SIGLEC9: variants seen among roughly 807,000 people sequenced by gnomAD.
SIGLEC9 encodes the protein sialic acid-binding Ig-like lectin 9.
In SIGLEC9, 26 loss-of-function variants were observed where a neutral mutation model predicts 38.3. The observed-to-expected ratio is 0.68, with a 90% CI of 0.50 to 0.94. The LOEUF (loss-of-function observed/expected upper bound fraction) is 0.94, where lower values mean the gene tolerates loss of function less well. SIGLEC9 is among the 40% of genes least tolerant of loss of function. The probability of loss-of-function intolerance (pLI) is 0.00; values close to 1 mark genes in which losing one functional copy is unlikely to be tolerated. For missense variants in SIGLEC9, 556 were observed against 585.7 expected (o/e 0.95, Z 0.52); for synonymous variants, 236 against 248.0 (o/e 0.95, Z 0.45).
downstream of SIGLEC9, among the ~76,000 whole-genome samples, chr19:51,131,915 CAAA>C (rs534454904): frequency 9.4e-5 from 11 of 117,396 alleles, no homozygotes; most frequent in Non-Finnish European, 1.3e-4. Context: ...GAGTCTGTGT[CAAA>C]AAAAAAAAAA....
In SIGLEC9 at chr19:51,127,162, T is replaced by C; in HGVS notation, c.881T>C (p.Leu294Pro). Residue 294 changes from leucine (L) to proline (P), a missense_variant, in exon 4 of 7, where the codon CTG (leucine) becomes CCG (proline). Transcript: ENST00000250360. ...AGCCTGAGCTGGAGAGGCCTGACCC[T>C]GTGCCCCTCACAGCCCTCAAACCCG... is the stretch of plus-strand genomic sequence containing the variant. Reference protein sequence around the residue: ...RLSLSWRGLTLCPSQPSNPGV... With the variant: ...RLSLSWRGLTPCPSQPSNPGV... 6.2e-7 allele frequency: 1 copy of C among 1,614,238 alleles called. No homozygotes were observed. Among genetic ancestry groups the C allele is most frequent in the Non-Finnish European group, 8.5e-7 (1 of 1,180,036 alleles).
At chr19:51,124,621 C>A (rs897897462), upstream of SIGLEC9, among the ~76,000 whole-genome samples, 2 of 152,130 alleles carry the variant, frequency 1.3e-5, no homozygotes, top group Non-Finnish European at 2.9e-5. Flanking sequence ...AGGGGTCTGG[C>A]CAGATGGGAC....
At position 51,125,119 on chromosome 19, in the gene SIGLEC9, G is replaced by C; in HGVS notation, c.145G>C (p.Gly49Arg). The C allele has an allele frequency of 6.2e-7, 1 of 1,614,048 alleles. No individual in the cohort carries two copies. Among genetic ancestry groups the C allele is most frequent in the Non-Finnish European group, 8.5e-7 (1 of 1,180,004 alleles). Residue 49 changes from glycine to arginine, a missense_variant, in exon 1 of 7, where the codon GGC becomes CGC. Gly to Arg is a moderately radical substitution (Grantham distance 125). Transcript: ENST00000250360. ...CTGCTCCTTCTCCTACCCCTCGCAT[G>C]GCTGGATTTACCCTGGCCCAGTAGT... ...VPCSFSYPSHGWIYPGPVVHG... is the reference protein window; with the variant it reads ...VPCSFSYPSHRWIYPGPVVHG...
chr19:51,120,845 CTTTTT>C, upstream of SIGLEC9: 1 of 135,126 alleles, frequency 7.4e-6, no homozygotes, highest in Non-Finnish European at 1.6e-5. This position sits in a 1 kb window ranked among gnomAD's most constrained non-coding sequence, Gnocchi z 4.1. Context: ...ATCAGGAATT[CTTTTT>C]TTTTTTTTTT....
rs760485175 is a variant in SIGLEC9 at position 51,125,088 on chromosome 19, T to C, written c.114T>C (p.His38=). 1.9e-6 allele frequency: 3 copies of C among 1,614,084 alleles called. No individual in the cohort carries two copies. Among genetic ancestry groups the C allele is most frequent in the Admixed American group, 1.7e-5 (1 of 60,026 alleles). The change falls in exon 1 of 7, where the codon CAT becomes CAC. Residue 38 remains histidine (H), a synonymous_variant. Transcript: ENST00000250360. ...SVTVQEGLCV[H]VPCSFSYPSH... is the part of the protein sequence containing the mutation. ...CGGTGCAGGAAGGCCTGTGTGTCCA[T>C]GTGCCCTGCTCCTTCTCCTACCCCT...
chr19:51,133,659 G>A (rs1677000618), downstream of SIGLEC9, among the ~76,000 whole-genome samples: 1 of 152,072 alleles, frequency 6.6e-6, no homozygotes, highest in Non-Finnish European at 1.5e-5. Context: ...GTGTTGAGCT[G>A]TTTCTCACAT....
downstream of SIGLEC9, among the ~76,000 whole-genome samples, chr19:51,134,546 A>G (rs935688554): frequency 2.0e-5 from 3 of 152,130 alleles, no homozygotes; most frequent in African/African-American, 7.2e-5. Flanking sequence ...AAATCTATGT[A>G]TTTTACTGTA....
chr19:51,121,546 C>T (rs2091950161), upstream of SIGLEC9, among the ~76,000 whole-genome samples: 1 of 151,884 alleles, frequency 6.6e-6, no homozygotes, highest in South Asian at 2.1e-4. Flanking sequence ...TGCTTAGTCC[C>T]CTGTCCTCCA....
At chr19:51,121,073 A>G (rs2091949256), upstream of SIGLEC9, among the ~76,000 whole-genome samples, 1 of 152,122 alleles carries the variant, frequency 6.6e-6, no homozygotes, top group African/African-American at 2.4e-5. Context: ...TTGAACTCTT[A>G]GGCTCAAGTG....
At chr19:51,134,441 G>A (rs2092032905), downstream of SIGLEC9, among the ~76,000 whole-genome samples, 1 of 152,196 alleles carries the variant, frequency 6.6e-6, no homozygotes, top group Non-Finnish European at 1.5e-5. Context: ...ACAGGCGTGA[G>A]CCACTGCGCC....
chr19:51,129,259 A>C (rs955377075), intron 6 of SIGLEC9, among the ~76,000 whole-genome samples: 17 of 151,410 alleles, frequency 1.1e-4, no homozygotes, highest in South Asian at 2.1e-4. Flanking sequence ...TCCGGGTTCA[A>C]GCCATTCTCC....
chr19:51,126,098 A>G lies in SIGLEC9; in HGVS notation c.718A>G (p.Thr240Ala). ...LNVSYPPQNL[T>A]MTVFQGDGTV... is the part of the protein sequence containing the mutation. ...TGTCCCAGACCCGCCTCAGAACTTG[A>G]CCATGACTGTCTTCCAAGGAGACGG... The change falls in exon 3 of 7, where the codon ACC (threonine) becomes GCC (alanine). Residue 240 changes from threonine to alanine, a missense_variant. Physicochemically the swap from Thr to Ala is moderately conservative, Grantham distance 58 (BLOSUM62 0). Transcript: ENST00000250360. 1.9e-6 allele frequency: 3 copies of G among 1,614,030 alleles called. No homozygotes were observed. The highest frequency in any genetic ancestry group is 2.5e-6 in the Non-Finnish European group (3 of 1,179,956).
chr19:51,136,017 T>C, exon 7 of SIGLEC9: 1 of 703,592 alleles, frequency 1.4e-6, no homozygotes, highest in Non-Finnish European at 2.6e-6. Context: ...TTCGAGTTTC[T>C]CCTGAATCTC....
At chr19:51,123,809 C>T (rs1372962058), upstream of SIGLEC9, among the ~76,000 whole-genome samples, 1 of 152,192 alleles carries the variant, frequency 6.6e-6, no homozygotes, top group Non-Finnish European at 1.5e-5. Context: ...AGAAAACTGA[C>T]ATCGGTCTAA....
chr19:51,125,670 T>C lies in SIGLEC9; in HGVS notation c.495T>C (p.Ser165=). The part of the protein sequence containing the change: ...ESGCPQNLTC[S]VPWACEQGTP... ...GCTGCCCCCAGAATCTGACCTGCTC[T>C]GTGCCCTGGGCCTGTGAGCAGGGGA... The change falls in exon 2 of 7, where the codon TCT becomes TCC. Residue 165 remains serine (S), a synonymous_variant. Coordinates refer to ENST00000250360, the MANE Select transcript of SIGLEC9 (RefSeq NM_014441.3). The C allele has an allele frequency of 6.2e-7, 1 of 1,613,930 alleles. No homozygotes were observed. The highest frequency in any genetic ancestry group is 1.1e-5 in the South Asian group (1 of 91,086).
chr19:51,121,597 T>G (rs2091950361), upstream of SIGLEC9, among the ~76,000 whole-genome samples: 1 of 149,880 alleles, frequency 6.7e-6, no homozygotes, highest in South Asian at 2.1e-4. Flanking sequence ...TTTTTTTTTT[T>G]TTTTTGAAGA....
rs1311195314 is a variant in SIGLEC9, at chr19:51,125,114, C to T, written c.140C>T (p.Ser47Leu). The change falls in exon 1 of 7, where the codon TCG becomes TTG. Residue 47 changes from serine to leucine, a missense_variant. By Grantham distance (145) the Ser-to-Leu change is moderately radical. Transcript: ENST00000250360. ...VHVPCSFSYP[S>L]HGWIYPGPVV... ...GTGCCCTGCTCCTTCTCCTACCCCT[C>T]GCATGGCTGGATTTACCCTGGCCCA... The T allele has an allele frequency of 2.5e-6, 4 of 1,614,058 alleles. No homozygotes were observed. The highest frequency in any genetic ancestry group is 2.2e-5 in the East Asian group (1 of 44,862).
rs754188756 is a variant in SIGLEC9 at position 51,127,238 on chromosome 19, C to A, written c.957C>A (p.Thr319=). The change falls in exon 4 of 7, where the codon ACC becomes ACA. Residue 319 remains threonine, a synonymous_variant. Transcript: ENST00000250360. ...WVHLRDAAEF[T]CRAQNPLGSQ... ...ACCTGAGGGATGCAGCTGAATTCACCTGCAGAGCTCAGAACCCTCTCGGCT... is the reference window on the plus strand; with the variant it reads ...ACCTGAGGGATGCAGCTGAATTCACATGCAGAGCTCAGAACCCTCTCGGCT... 1 of 1,614,162 alleles carries A rather than the reference C, an allele frequency of 6.2e-7. No individual in the cohort carries two copies. Among genetic ancestry groups the A allele is most frequent in the Non-Finnish European group, 8.5e-7 (1 of 1,179,980 alleles).
Position 51,127,249 on chromosome 19 carries a change from A to C in SIGLEC9, c.968A>C (p.Gln323Pro), listed in dbSNP as rs1394986093. The C allele has an allele frequency of 6.2e-7, 1 of 1,614,132 alleles. No homozygotes were observed. Residue 323 changes from glutamine to proline, a missense_variant, in exon 4 of 7, where the codon CAG becomes CCG. Coordinates refer to ENST00000250360, the MANE Select transcript of SIGLEC9 (RefSeq NM_014441.3). ...GCAGCTGAATTCACCTGCAGAGCTC[A>C]GAACCCTCTCGGCTCTCAGCAGGTC... is the stretch of plus-strand genomic sequence containing the variant. Reference protein sequence around the residue: ...RDAAEFTCRAQNPLGSQQVYL... With the variant: ...RDAAEFTCRAPNPLGSQQVYL...
Sources: allele counts gnomAD v4.1 joint callset (sites outside exome capture counted in the v4.1 genomes callset), GRCh38; gene constraint gnomAD v4.1.1; non-coding constraint Gnocchi (gnomAD v3.1); transcripts MANE v1.5; gene names NCBI Gene and HGNC (gene_info 2026-07-23, HGNC 2026-07-21).